The following ZC3H12B variants were observed in gnomAD, a reference collection of about 807,000 sequenced individuals.
The protein encoded by ZC3H12B is zinc finger CCCH-type containing 12B, also known as probable ribonuclease ZC3H12B.
In ZC3H12B, 7 loss-of-function variants were observed where a neutral mutation model predicts 43.9. The observed-to-expected ratio is 0.16, with a 90% confidence interval of 0.09 to 0.30. The LOEUF is 0.30. Ranked by LOEUF, ZC3H12B falls within the 10% of genes least tolerant of loss-of-function variation. The pLI is 1.00. For synonymous variants in ZC3H12B, 222 were observed against 241.7 expected (o/e 0.92, Z 0.76); for missense variants, 475 against 670.2 (o/e 0.71, Z 3.22).
the ZC3H12B span, among the ~76,000 whole-genome samples, chrX:65,254,776 G>GA: frequency 9.0e-6 from 1 of 111,277 alleles, no homozygotes; most frequent in African/African-American, 3.3e-5. Context: ...CAAGATTCTG[G>GA]AAAAAGTCAA....
chrX:65,435,367 A>T (rs1013155855), intron 3 of ZC3H12B, among the ~76,000 whole-genome samples: 2 of 111,707 alleles, frequency 1.8e-5, no homozygotes, highest in African/African-American at 6.5e-5. Context: ...ATACAGAGTC[A>T]CTAAGTTTCT....
chrX:65,361,704 A>C (rs2066105545), upstream of ZC3H12B, among the ~76,000 whole-genome samples: 1 of 109,969 alleles, frequency 9.1e-6, no homozygotes, highest in African/African-American at 3.3e-5. Context: ...AGGCCATCTT[A>C]CTCTCAACAT....
the ZC3H12B span, among the ~76,000 whole-genome samples, chrX:65,274,247 T>C: frequency 9.0e-6 from 1 of 111,449 alleles, no homozygotes; most frequent in African/African-American, 3.3e-5. Flanking sequence ...GTTTGCAGAG[T>C]TGCTGAGAAT....
the ZC3H12B span, among the ~76,000 whole-genome samples, chrX:65,177,679 G>C: frequency 9.0e-6 from 1 of 111,489 alleles, no homozygotes; most frequent in Non-Finnish European, 1.9e-5. Flanking sequence ...TCACAATTGT[G>C]ACAAACTGAA....
intron 1 of ZC3H12B, among the ~76,000 whole-genome samples, chrX:65,490,965 G>A (rs758310798): frequency 9.0e-6 from 1 of 110,553 alleles, no homozygotes; most frequent in Non-Finnish European, 1.9e-5. Flanking sequence ...CCGTACCATT[G>A]CTGTATACAG....
chrX:65,245,558 G>A, the ZC3H12B span, among the ~76,000 whole-genome samples: 7 of 111,940 alleles, frequency 6.3e-5, no homozygotes, highest in South Asian at 2.6e-3. Context: ...AGTAAGTTTG[G>A]TTCATCATAC....
At chrX:65,413,792 A>G (rs747279689) in intron 3 of ZC3H12B, among the ~76,000 whole-genome samples, 1 of 112,039 alleles carries the variant, frequency 8.9e-6, no homozygotes, top group East Asian at 2.8e-4. Flanking sequence ...TTCCATATGA[A>G]CTTGAGGTTT....
chrX:65,198,715 T>A, the ZC3H12B span, among the ~76,000 whole-genome samples: 1 of 111,984 alleles, frequency 8.9e-6, no homozygotes, highest in East Asian at 2.8e-4. Context: ...TCTATAACCT[T>A]CTGGAACTTG....
the ZC3H12B span, among the ~76,000 whole-genome samples, chrX:65,252,817 G>T: frequency 8.9e-6 from 1 of 112,043 alleles, no homozygotes; most frequent in Admixed American, 9.5e-5. Flanking sequence ...GAAAAGTACT[G>T]TGAGTATATG....
the ZC3H12B span, among the ~76,000 whole-genome samples, chrX:65,084,803 A>G: frequency 2.7e-5 from 3 of 112,556 alleles, no homozygotes; most frequent in Admixed American, 1.9e-4. Flanking sequence ...TGATAGTTGC[A>G]CTCTCGTGTT....
At chrX:65,193,253 G>A in the ZC3H12B span, among the ~76,000 whole-genome samples, 2 of 110,595 alleles carry the variant, frequency 1.8e-5, no homozygotes, top group Non-Finnish European at 3.8e-5. Flanking sequence ...TTCTTTAAAT[G>A]TTTGGTGAGA....
the ZC3H12B span, among the ~76,000 whole-genome samples, chrX:65,319,379 A>G: frequency 1.8e-3 from 205 of 112,031 alleles, no homozygotes; most frequent in Non-Finnish European, 3.1e-3. Flanking sequence ...AACCAGCAAG[A>G]GATTGACTTC....
upstream of ZC3H12B, among the ~76,000 whole-genome samples, chrX:65,485,342 C>A (rs1405269905): frequency 8.9e-6 from 1 of 112,347 alleles, no homozygotes; most frequent in Non-Finnish European, 1.9e-5. Flanking sequence ...CAACCTCTGC[C>A]TCCAGGGCTC....
chrX:65,149,171 G>A, the ZC3H12B span, among the ~76,000 whole-genome samples: 2 of 111,088 alleles, frequency 1.8e-5, no homozygotes, highest in Non-Finnish European at 3.8e-5. Flanking sequence ...AAGCTTGGAG[G>A]AAAGATGCAT....
chrX:65,338,949 T>G, the ZC3H12B span, among the ~76,000 whole-genome samples: 1 of 111,961 alleles, frequency 8.9e-6, no homozygotes, highest in Non-Finnish European at 1.9e-5. Context: ...TCATAAGAAC[T>G]GGAACAAGAC....
At chrX:65,121,118 G>T in the ZC3H12B span, among the ~76,000 whole-genome samples, 2 of 110,509 alleles carry the variant, frequency 1.8e-5, no homozygotes, top group Non-Finnish European at 3.8e-5. Context: ...TCTCTTTTTT[G>T]GTTGTGTCTC....
Position 65,379,666 on chromosome X carries a change from G to A in ZC3H12B, n.295+10668G>A, listed in dbSNP as rs146578144. Among the ~76,000 whole-genome samples the A allele has an allele frequency of 3.8e-3, 422 of 112,036 alleles. 2 individuals are homozygous for A. Among genetic ancestry groups the A allele is most frequent in the African/African-American group, 0.013 (391 of 30,901 alleles). On this transcript the variant is annotated intron_variant and non_coding_transcript_variant, in intron 2 of 5. Transcript: ENST00000617377. ...AGATGATCAAATTAATCCAAGCTAC[G>A]GGAGGACATTCAAACCAAACGCAAA...
the ZC3H12B span, among the ~76,000 whole-genome samples, chrX:65,323,281 T>A: frequency 2.9e-4 from 32 of 111,990 alleles, no homozygotes; most frequent in African/African-American, 9.7e-4. Context: ...TGTTGCCTTA[T>A]CATATACAGT....
chrX:65,252,212 G>T, the ZC3H12B span, among the ~76,000 whole-genome samples: 1 of 111,426 alleles, frequency 9.0e-6, no homozygotes, highest in African/African-American at 3.3e-5. Flanking sequence ...TTTTGTCTTT[G>T]GTTCTGTTTA....
Sources: gnomAD v4.1 joint callset for allele counts (sites outside exome capture counted in the v4.1 genomes callset) on GRCh38, gnomAD v4.1.1 for gene constraint, MANE v1.5 for transcripts, NCBI Gene and HGNC (gene_info 2026-07-23, HGNC 2026-07-21) for gene names.